Variants in ARHGEF28 observed in about 807,000 individuals in gnomAD.
ARHGEF28 encodes 190 kDa guanine nucleotide exchange factor.
Under a neutral mutation model 206.6 loss-of-function variants are expected in ARHGEF28, and 152 were observed. The ratio of observed to expected loss-of-function variants is 0.74; its 90% confidence interval spans 0.64 to 0.84. The LOEUF (loss-of-function observed/expected upper bound fraction) is 0.84. Ranked by LOEUF, ARHGEF28 falls within the 40% of genes least tolerant of loss-of-function variation. The probability of loss-of-function intolerance (pLI) is 0.00; values close to 1 mark genes in which losing one functional copy is unlikely to be tolerated. For missense variants in ARHGEF28, 2,028 were observed against 2,073.2 expected (o/e 0.98, Z 0.42); for synonymous variants, 763 against 776.4 (o/e 0.98, Z 0.29).
chr5:73,832,277 G>A (rs1757344327), intron 9 of ARHGEF28, 61 bp from the exon 10 acceptor site: 10 of 1,584,022 alleles, frequency 6.3e-6, no homozygotes, highest in Admixed American at 5.2e-5. Context: ...AGAAGGTAAA[G>A]CTTGACTGTA....
intron 9 of ARHGEF28, among the ~76,000 whole-genome samples, chr5:73,822,365 C>A (rs1756651054): frequency 6.6e-6 from 1 of 152,186 alleles, no homozygotes; most frequent in African/African-American, 2.4e-5. Flanking sequence ...TGGATTGAGA[C>A]TCTAGTGTGG....
At chr5:73,909,278 A>T in intron 33 of ARHGEF28, 134 bp from the exon 34 acceptor site, 2 of 1,358,822 alleles carry the variant, frequency 1.5e-6, no homozygotes, top group Non-Finnish European at 2.0e-6. Context: ...GAGGTAACTT[A>T]GAAAAAGGCC....
intron 2 of ARHGEF28, among the ~76,000 whole-genome samples, chr5:73,717,285 C>T (rs1461429597): frequency 1.3e-5 from 2 of 152,134 alleles, no homozygotes; most frequent in African/African-American, 4.8e-5. Flanking sequence ...TATTTGCCCC[C>T]TCTTCCTCCT....
At chr5:73,928,356 C>T (rs1029124608) in intron 35 of ARHGEF28, among the ~76,000 whole-genome samples, 4 of 152,160 alleles carry the variant, frequency 2.6e-5, no homozygotes, top group African/African-American at 9.7e-5. Flanking sequence ...GTGGAGGTTG[C>T]AGTGAGCTGA....
chr5:73,803,997 A>G (rs1755286966), intron 9 of ARHGEF28, among the ~76,000 whole-genome samples: 1 of 141,616 alleles, frequency 7.1e-6, no homozygotes, highest in East Asian at 2.3e-4. Flanking sequence ...AGGTGGGAGG[A>G]TGGCTTGAGC....
chr5:73,872,396 C>A (rs183951359), intron 21 of ARHGEF28, among the ~76,000 whole-genome samples: 1 of 151,990 alleles, frequency 6.6e-6, no homozygotes, highest in African/African-American at 2.4e-5. Context: ...AGTTCCTTAT[C>A]AGATAAATTA....
At chr5:73,880,689 T>G (rs1760864681) in intron 22 of ARHGEF28, among the ~76,000 whole-genome samples, 1 of 152,204 alleles carries the variant, frequency 6.6e-6, no homozygotes, top group South Asian at 2.1e-4. Flanking sequence ...GCCCAGCACT[T>G]TGGGAGGCCG....
chr5:73,872,580 A>G (rs775343778), intron 21 of ARHGEF28, among the ~76,000 whole-genome samples: 2 of 152,186 alleles, frequency 1.3e-5, no homozygotes, highest in Non-Finnish European at 2.9e-5. Context: ...AGTTCCATTC[A>G]TTTCACCAAA....
Position 73,868,217 on chromosome 5 carries a change from C to T in ARHGEF28, c.2415C>T (p.Phe805=), listed in dbSNP as rs1283348526. 6.3e-7 allele frequency: 1 copy of T among 1,583,958 alleles called. No individual in the cohort carries two copies. The highest frequency in any genetic ancestry group is 1.8e-5 in the Admixed American group (1 of 55,244). The change falls in exon 20 of 36, where the codon TTC becomes TTT. Residue 805 remains phenylalanine, a synonymous_variant. Coordinates refer to ENST00000513042, the MANE Select transcript of ARHGEF28 (RefSeq NM_001177693.2). The part of the protein sequence containing the change: ...SMGSSPSTES[F]IMEDVVDSSL... ...GCTCTTCTCCCTCTACAGAGTCTTTCATAATGGAAGGTGAGGAGAAGACAC... is the reference window on the plus strand; with the variant it reads ...GCTCTTCTCCCTCTACAGAGTCTTTTATAATGGAAGGTGAGGAGAAGACAC...
At chr5:73,889,876 T>C (rs796334781) in intron 26 of ARHGEF28, among the ~76,000 whole-genome samples, 9 of 152,316 alleles carry the variant, frequency 5.9e-5, no homozygotes, top group African/African-American at 2.2e-4. Flanking sequence ...AATGAGAATA[T>C]GGGCCCAGGA....
chr5:73,753,870 G>A (rs1580570501), intron 4 of ARHGEF28, among the ~76,000 whole-genome samples: 2 of 152,172 alleles, frequency 1.3e-5, no homozygotes, highest in African/African-American at 2.4e-5. Flanking sequence ...GGGTCTCACT[G>A]TGTTGCTCAG....
chr5:73,667,954 C>T (rs1476186959), intron 1 of ARHGEF28, among the ~76,000 whole-genome samples: 1 of 152,142 alleles, frequency 6.6e-6, no homozygotes, highest in Admixed American at 6.5e-5. Context: ...GTTTTTAATA[C>T]CTTGTTCCTC....
chr5:73,916,752 T>C (rs2111950553), intron 35 of ARHGEF28, among the ~76,000 whole-genome samples: 1 of 152,260 alleles, frequency 6.6e-6, no homozygotes, highest in South Asian at 2.1e-4. Flanking sequence ...AAAATGATGA[T>C]TTTTCTCCCT....
chr5:73,741,664 C>A (rs1287630264), intron 2 of ARHGEF28, among the ~76,000 whole-genome samples: 2 of 151,566 alleles, frequency 1.3e-5, no homozygotes, highest in Non-Finnish European at 2.9e-5. Context: ...CGTGATCCAC[C>A]TGCCTCAACC....
chr5:73,864,162 T>C (rs1759563322), intron 16 of ARHGEF28, among the ~76,000 whole-genome samples: 1 of 152,186 alleles, frequency 6.6e-6, no homozygotes, highest in Admixed American at 6.5e-5. Context: ...AGTGCAGCTT[T>C]CCATGAGGAC....
intron 9 of ARHGEF28, among the ~76,000 whole-genome samples, chr5:73,804,140 A>C (rs987082189): frequency 2.7e-5 from 4 of 148,120 alleles, no homozygotes; most frequent in Admixed American, 6.7e-5. Flanking sequence ...CCAGAGCTTG[A>C]GGAAACTTGG....
chr5:73,697,714 G>A (rs142268002), intron 2 of ARHGEF28, among the ~76,000 whole-genome samples: 17 of 152,174 alleles, frequency 1.1e-4, no homozygotes, highest in Admixed American at 3.9e-4. Context: ...AACCACATGC[G>A]GATTAAATTT....
intron 9 of ARHGEF28, among the ~76,000 whole-genome samples, chr5:73,811,980 CAA>C (rs11337063): frequency 0.23 from 26,301 of 114,434 alleles, 2,128 homozygotes; most frequent in Middle Eastern, 0.3. Context: ...GAGCCTGTCT[CAA>C]AAAAAAAAAA....
chr5:73,817,160 C>T (rs1484303531), intron 9 of ARHGEF28, among the ~76,000 whole-genome samples: 1 of 152,074 alleles, frequency 6.6e-6, no homozygotes, highest in Non-Finnish European at 1.5e-5. Context: ...GCCTTTTATC[C>T]ACTTGTGCAA....
Sources: allele counts gnomAD v4.1 joint callset (sites outside exome capture counted in the v4.1 genomes callset), GRCh38; gene constraint gnomAD v4.1.1; transcripts MANE v1.5; gene names NCBI Gene and HGNC (gene_info 2026-07-23, HGNC 2026-07-21).